The following NELL1 variants were observed in gnomAD, a reference collection of about 807,000 sequenced individuals.
NELL1 encodes neural EGFL like 1, also known as protein kinase C-binding protein NELL1.
A neutral mutation model predicts 107.4 loss-of-function variants in NELL1; 76 were observed. That is an observed-to-expected ratio of 0.71 (90% CI 0.59 to 0.86). The LOEUF is 0.86. Ranked by LOEUF, NELL1 falls within the 40% of genes least tolerant of loss-of-function variation. The probability of loss-of-function intolerance (pLI) is 0.00; values close to 1 mark genes in which losing one functional copy is unlikely to be tolerated. For synonymous variants in NELL1, 353 were observed against 341.2 expected, an observed-to-expected ratio of 1.03 and a Z score of -0.38; for missense variants, 1,024 against 1,005.5, an observed-to-expected ratio of 1.02 and a Z score of -0.25.
At chr11:20,674,405 T>C in intron 1 of NELL1, 1 of 1,069,840 alleles carries the variant, frequency 9.3e-7, no homozygotes, top group South Asian at 1.4e-5. Context: ...GTGAATATAG[T>C]TTCCCCGAGT....
chr11:21,137,366 T>C (rs1855766386), intron 13 of NELL1, among the ~76,000 whole-genome samples: 2 of 152,116 alleles, frequency 1.3e-5, no homozygotes, highest in Admixed American at 6.5e-5. Context: ...AAAGAGTTGG[T>C]GGTTGGCGGT....
chr11:20,931,420 G>A (rs145103315), intron 9 of NELL1, among the ~76,000 whole-genome samples: 168 of 152,310 alleles, frequency 1.1e-3, no homozygotes, highest in African/African-American at 3.9e-3. Context: ...CAGAAACATG[G>A]TAGAGTATAT....
intron 2 of NELL1, among the ~76,000 whole-genome samples, chr11:20,702,564 G>A (rs907555802): frequency 6.6e-6 from 1 of 152,086 alleles, no homozygotes; most frequent in Non-Finnish European, 1.5e-5. Context: ...GGAGTGGTGA[G>A]AGAGGGCATC....
At chr11:20,975,937 ATG>A (rs1426110492) in intron 12 of NELL1, among the ~76,000 whole-genome samples, 1 of 134,116 alleles carries the variant, frequency 7.5e-6, no homozygotes, top group Admixed American at 7.5e-5. Flanking sequence ...ATGTACATAT[ATG>A]TGTACATATA....
At chr11:21,369,042 A>G (rs1851297356) in intron 14 of NELL1, among the ~76,000 whole-genome samples, 2 of 152,188 alleles carry the variant, frequency 1.3e-5, no homozygotes, top group South Asian at 4.2e-4. Context: ...TCAAACGCAT[A>G]TACCTACGAT....
intron 15 of NELL1, among the ~76,000 whole-genome samples, chr11:21,514,525 G>A (rs1301638452): frequency 1.3e-5 from 2 of 152,240 alleles, no homozygotes; most frequent in South Asian, 2.1e-4. Flanking sequence ...TGCTCCTCAT[G>A]TTCTGCCAGT....
intron 2 of NELL1, among the ~76,000 whole-genome samples, chr11:20,752,691 GA>G (rs149959898): frequency 0.019 from 2,913 of 152,284 alleles, 98 homozygotes; most frequent in African/African-American, 0.068. Flanking sequence ...GGAGCTGTAA[GA>G]GGGCAAAAAT....
At chr11:21,343,993 C>T (rs1359083557) in intron 14 of NELL1, among the ~76,000 whole-genome samples, 11 of 152,130 alleles carry the variant, frequency 7.2e-5, no homozygotes, top group Non-Finnish European at 4.4e-5. Flanking sequence ...AATCAGGTTG[C>T]TGTTGAACAT....
chr11:21,037,285 G>C (rs1042169020), intron 12 of NELL1, among the ~76,000 whole-genome samples: 19 of 152,096 alleles, frequency 1.2e-4, no homozygotes, highest in African/African-American at 4.6e-4. Context: ...TGCAGGTCTA[G>C]AGAGCTTTGC....
intron 12 of NELL1, among the ~76,000 whole-genome samples, chr11:21,011,002 A>G (rs1852434957): frequency 1.3e-5 from 2 of 152,038 alleles, no homozygotes; most frequent in Non-Finnish European, 2.9e-5. Context: ...ATTACTCCCA[A>G]ATCACCTTGA....
rs144515807 is a variant in NELL1 at position 21,376,473 on chromosome 11, G to A, written c.1645+5525G>A. 2.4e-3 allele frequency among the ~76,000 whole-genome samples: 369 copies of A among 152,174 alleles called. 2 individuals carry two copies. Among genetic ancestry groups the A allele is most frequent in the African/African-American group, 8.7e-3 (363 of 41,530 alleles). On this transcript the variant is annotated intron_variant, in intron 15 of 19. Coordinates refer to ENST00000357134, the MANE Select transcript of NELL1 (RefSeq NM_006157.5). ...GCCATATAATATAGTTTGTTGTCAGGTAGTGTGTGATGCCTCTAGCTTTGT... is the reference window on the plus strand; with the variant it reads ...GCCATATAATATAGTTTGTTGTCAGATAGTGTGTGATGCCTCTAGCTTTGT...
At chr11:21,413,353 TG>T (rs531839218) in intron 15 of NELL1, among the ~76,000 whole-genome samples, 12 of 150,702 alleles carry the variant, frequency 8.0e-5, no homozygotes, top group Non-Finnish European at 1.8e-4. Flanking sequence ...GTGCTGGGGG[TG>T]GGGGGGAGAT....
At chr11:20,868,371 T>C (rs1849133195) in intron 4 of NELL1, among the ~76,000 whole-genome samples, 1 of 152,170 alleles carries the variant, frequency 6.6e-6, no homozygotes, top group Non-Finnish European at 1.5e-5. Context: ...TTAGAGGTTT[T>C]CAAGTGCTGG....
At chr11:21,496,504 G>A (rs2133924688) in intron 15 of NELL1, among the ~76,000 whole-genome samples, 1 of 150,842 alleles carries the variant, frequency 6.6e-6, no homozygotes, top group Admixed American at 6.6e-5. Context: ...TCGCCTCTTG[G>A]GTTCAAGCGA....
intron 13 of NELL1, among the ~76,000 whole-genome samples, chr11:21,196,815 C>T (rs978320582): frequency 2.0e-5 from 3 of 151,708 alleles, no homozygotes; most frequent in Non-Finnish European, 4.4e-5. Context: ...TTAAGAGGTA[C>T]ATCACAAATA....
intron 7 of NELL1, among the ~76,000 whole-genome samples, chr11:20,924,264 G>C (rs1311321814): frequency 6.6e-6 from 1 of 152,154 alleles, no homozygotes; most frequent in Non-Finnish European, 1.5e-5. Context: ...GGAGTAAAAG[G>C]GAAGGCAAGA....
At chr11:20,904,531 A>G (rs1240220504) in intron 5 of NELL1, among the ~76,000 whole-genome samples, 1 of 152,176 alleles carries the variant, frequency 6.6e-6, no homozygotes, top group Non-Finnish European at 1.5e-5. Flanking sequence ...AAAATGCTGG[A>G]AAAAGGGTTT....
At chr11:21,420,051 G>T (rs962842436) in intron 15 of NELL1, among the ~76,000 whole-genome samples, 14 of 151,234 alleles carry the variant, frequency 9.3e-5, no homozygotes, top group African/African-American at 1.2e-4. Flanking sequence ...GGTGCGTGTG[G>T]GTGTGTGTGT....
chr11:21,571,473 C>A (rs1591046482), intron 18 of NELL1, among the ~76,000 whole-genome samples: 1 of 151,740 alleles, frequency 6.6e-6, no homozygotes, highest in African/African-American at 2.4e-5. Context: ...TATGTGAGTA[C>A]CTCTGAGGGA....
Sources: allele counts gnomAD v4.1 joint callset (sites outside exome capture counted in the v4.1 genomes callset), GRCh38; gene constraint gnomAD v4.1.1; transcripts MANE v1.5; gene names NCBI Gene and HGNC (gene_info 2026-07-23, HGNC 2026-07-21).